Variants in LPCAT2 observed in about 807,000 individuals in gnomAD.
LPCAT2 encodes lysophosphatidylcholine acyltransferase 2, also known as 1-AGP acyltransferase 11.
A neutral mutation model predicts 64.7 loss-of-function variants in LPCAT2; 58 were observed. The observed-to-expected ratio is 0.90, with a 90% CI of 0.73 to 1.12. The LOEUF is 1.12. Among genes scored for constraint, LPCAT2 ranks in the 50% most tolerant of loss-of-function variants. LPCAT2 has a pLI of 0.00. For synonymous variants in LPCAT2, 252 were observed against 245.3 expected (o/e 1.03, Z -0.26); for missense variants, 579 against 669.8 (o/e 0.86, Z 1.50).
rs1388784884 is a variant in LPCAT2, at chr16:55,583,277, C to T, written c.*179C>T. On this transcript the variant is annotated 3_prime_UTR_variant, in exon 14 of 14. Transcript: ENST00000262134. ...TAACCTTGCTTTTATTGGAAAAAAT[C>T]AAGCAATATTTCGTTTTCTTTTGTG... 1.8e-6 allele frequency: 1 copy of T among 564,084 alleles called. No homozygotes were observed. The highest frequency in any genetic ancestry group is 2.8e-5 in the South Asian group (1 of 35,914). The allele number at this position is 564,084 out of a possible 1,614,324, so 34.9% of individuals were successfully genotyped here. A position where few individuals can be genotyped will look rare whatever the true frequency, so the allele number is the denominator to read the frequency against.
At position 55,576,296 on chromosome 16, in the gene LPCAT2, A is replaced by G. The variant is rs78942988; in HGVS notation, c.1314+1567A>G. ...AAGTATTTTTGCATACTTTTTATTT[A>G]GTAGTATCCTTTTACATATAGGATT... On this transcript the variant is annotated intron_variant, in intron 12 of 13. Transcript: ENST00000262134. Among the ~76,000 whole-genome samples the G allele has an allele frequency of 1.3e-3, 204 of 151,124 alleles. 1 individual carries two copies. Among genetic ancestry groups the G allele is most frequent in the African/African-American group, 4.9e-3 (201 of 41,094 alleles).
intron 11 of LPCAT2, among the ~76,000 whole-genome samples, chr16:55,573,345 C>T (rs149904774): frequency 4.0e-5 from 6 of 151,710 alleles, no homozygotes; most frequent in Admixed American, 2.6e-4. Context: ...TTCTATGAAC[C>T]TAGAGTAGTA....
In LPCAT2 at chr16:55,549,267, A is replaced by G. The variant is rs758231316; in HGVS notation, c.936-10A>G. The G allele has an allele frequency of 1.3e-5, 20 of 1,536,414 alleles. No individual in the cohort carries two copies. Among genetic ancestry groups the G allele is most frequent in the Non-Finnish European group, 1.7e-5 (19 of 1,150,544 alleles). On this transcript the variant is annotated splice_polypyrimidine_tract_variant and intron_variant, in intron 9 of 13. Coordinates refer to ENST00000262134, the MANE Select transcript of LPCAT2 (RefSeq NM_017839.5). Reference sequence around the variant, plus strand: ...AAAATGAATTTTAGTTTGCTTCTTAATACTTTTAGAGCTCTGGGAATACCA... The same window carrying G: ...AAAATGAATTTTAGTTTGCTTCTTAGTACTTTTAGAGCTCTGGGAATACCA...
chr16:55,514,870 A>T (rs1423584515), intron 1 of LPCAT2, among the ~76,000 whole-genome samples: 1 of 150,606 alleles, frequency 6.6e-6, no homozygotes, highest in Non-Finnish European at 1.5e-5. Flanking sequence ...AATGGAGAAT[A>T]TCAATAAAGA....
chr16:55,558,124 T>C lies in LPCAT2; in HGVS notation c.1215+7022T>C, dbSNP rs572834889. Among the ~76,000 whole-genome samples, 22 of 152,366 alleles carry C rather than the reference T, an allele frequency of 1.4e-4. No homozygotes were observed. The South Asian group carries it at 3.9e-3, about 27-fold the overall frequency. On this transcript the variant is annotated intron_variant, in intron 11 of 13. Transcript: ENST00000262134. ...ATTGGGGATTAGTTAAATGTCCAGATGAGTGAGAGCTAAGAGCTTAAACAA... is the reference window on the plus strand; with the variant it reads ...ATTGGGGATTAGTTAAATGTCCAGACGAGTGAGAGCTAAGAGCTTAAACAA...
Position 55,509,161 on chromosome 16 carries a change from G to C in LPCAT2, c.-21G>C, listed in dbSNP as rs17302903. 572,999 of 1,315,748 alleles carry C rather than the reference G, an allele frequency of 0.44. 130,753 individuals are homozygous for C. The highest frequency in any genetic ancestry group is 0.47 in the Non-Finnish European group (482,468 of 1,027,616). The allele number at this position is 1,315,748 out of a possible 1,614,324, so 81.5% of individuals were successfully genotyped here. A position where few individuals can be genotyped will look rare whatever the true frequency, so the allele number is the denominator to read the frequency against. ...GCGCCCGCGTAGATCGCTTCGGCCG[G>C]GTTCTACGCCCGGCTCAACTATGAG... On this transcript the variant is annotated 5_prime_UTR_variant, in exon 1 of 14. Coordinates refer to ENST00000262134, the MANE Select transcript of LPCAT2 (RefSeq NM_017839.5).
In LPCAT2 at chr16:55,524,865, A is replaced by T. The variant is rs139923986; in HGVS notation, c.172-643A>T. On this transcript the variant is annotated intron_variant, in intron 1 of 13. Coordinates refer to ENST00000262134, the MANE Select transcript of LPCAT2 (RefSeq NM_017839.5). ...ACTCCTTTCTGGTATGTAAAACTTG[A>T]AACTTAAGGTTGTAAGAACTAAATA... 4.9e-3 allele frequency among the ~76,000 whole-genome samples: 750 copies of T among 152,182 alleles called. 5 individuals carry two copies. Among genetic ancestry groups the T allele is most frequent in the Non-Finnish European group, 7.0e-3 (478 of 67,924 alleles).
chr16:55,584,058 T>A lies in LPCAT2; in HGVS notation c.*960T>A, dbSNP rs1453942467. On this transcript the variant is annotated 3_prime_UTR_variant, in exon 14 of 14. Transcript: ENST00000262134. ...GAACTACAGGTTTAGAACTTGGTTT[T>A]AAGACAACTGCTATGGCCAGAAGGT... 6.6e-6 allele frequency: 1 copy of A among 152,176 alleles called. No homozygotes were observed. Among genetic ancestry groups the A allele is most frequent in the Non-Finnish European group, 1.5e-5 (1 of 68,028 alleles). 9.4% of individuals were successfully genotyped at this position (152,176 alleles called of 1,614,324 possible).
Position 55,583,124 on chromosome 16 carries a change from AC to A in LPCAT2, c.*27del. On this transcript the variant is annotated 3_prime_UTR_variant, in exon 14 of 14. Coordinates refer to ENST00000262134, the MANE Select transcript of LPCAT2 (RefSeq NM_017839.5). ...AAGCAGTATTTCCAATAAGGAAAAC[AC>A]AGTAGCTTTTGCTTGAAATTGTAAA... 6.4e-7 allele frequency: 1 copy of A among 1,551,836 alleles called. No homozygotes were observed. The highest frequency in any genetic ancestry group is 1.4e-5 in the African/African-American group (1 of 73,648).
intron 1 of LPCAT2, among the ~76,000 whole-genome samples, chr16:55,512,288 A>G (rs949343399): frequency 2.6e-5 from 4 of 152,230 alleles, no homozygotes; most frequent in African/African-American, 9.6e-5. Context: ...GAGTAGCTCA[A>G]TGTAGACAAT....
intron 5 of LPCAT2, 164 bp from the exon 6 acceptor site, chr16:55,532,660 C>T: frequency 2.6e-6 from 1 of 386,726 alleles, no homozygotes. Flanking sequence ...AAAAAAAATC[C>T]CTCATTTTGG....
intron 7 of LPCAT2, among the ~76,000 whole-genome samples, chr16:55,535,495 T>C (rs546218573): frequency 5.9e-5 from 9 of 152,308 alleles, no homozygotes; most frequent in African/African-American, 1.7e-4. Context: ...TCCTTGATAA[T>C]TGAAGATACA....
intron 5 of LPCAT2, 75 bp downstream of exon 5, chr16:55,532,049 A>G (rs2142382613): frequency 1.0e-6 from 1 of 952,708 alleles, no homozygotes; most frequent in South Asian, 1.3e-5. Context: ...GAAATACACA[A>G]AATAACTCTT....
At chr16:55,566,739 G>T (rs369944110) in intron 11 of LPCAT2, 4 of 1,589,074 alleles carry the variant, frequency 2.5e-6, no homozygotes, top group Admixed American at 1.8e-5. Flanking sequence ...TGCCGCATTT[G>T]CTTGTTAAAC....
intron 13 of LPCAT2, among the ~76,000 whole-genome samples, chr16:55,582,601 T>C (rs1963899278): frequency 6.6e-6 from 1 of 152,192 alleles, no homozygotes; most frequent in Non-Finnish European, 1.5e-5. Context: ...TTTTATTTTT[T>C]ATCTATTATA....
At position 55,566,830 on chromosome 16, in the gene LPCAT2, G is replaced by A. The variant is rs1309556711; in HGVS notation, c.1216-7801G>A. ...GAAGCTCTTGGAGGCCTCTTTGGAG[G>A]AGGTGGTCAGAGAAGAGAAGGAGGA... On this transcript the variant is annotated intron_variant, in intron 11 of 13. Transcript: ENST00000262134. The A allele has an allele frequency of 3.7e-6, 6 of 1,613,854 alleles. 1 individual carries two copies. In the South Asian group the frequency reaches 6.6e-5, roughly 18 times the overall value.
At chr16:55,571,587 C>A (rs1261242189) in intron 11 of LPCAT2, among the ~76,000 whole-genome samples, 1 of 152,086 alleles carries the variant, frequency 6.6e-6, no homozygotes, top group Non-Finnish European at 1.5e-5. Flanking sequence ...AAGAGCTGGT[C>A]TCCTTTGAAA....
In LPCAT2 at chr16:55,549,326, A is replaced by T; in HGVS notation, c.985A>T (p.Met329Leu). 6.2e-7 allele frequency: 1 copy of T among 1,605,074 alleles called. No homozygotes were observed. Reference protein sequence around the residue: ...TDHTYEDCRLMISAGQLTLPM... With the variant: ...TDHTYEDCRLLISAGQLTLPM... ...TCATACCTATGAAGACTGCAGATTG[A>T]TGATTTCAGCAGGACAGCTAACATT... The change falls in exon 10 of 14, where the codon ATG (methionine) becomes TTG (leucine). Residue 329 changes from methionine (M) to leucine (L), a missense_variant. Coordinates refer to ENST00000262134, the MANE Select transcript of LPCAT2 (RefSeq NM_017839.5).
At chr16:55,536,566 A>G (rs1963326718) in intron 7 of LPCAT2, among the ~76,000 whole-genome samples, 1 of 152,238 alleles carries the variant, frequency 6.6e-6, no homozygotes, top group Non-Finnish European at 1.5e-5. Flanking sequence ...TGATATATCT[A>G]CTTTCTAAAT....
Sources: gnomAD v4.1 joint callset for allele counts (sites outside exome capture counted in the v4.1 genomes callset) on GRCh38, gnomAD v4.1.1 for gene constraint, MANE v1.5 for transcripts, NCBI Gene and HGNC (gene_info 2026-07-23, HGNC 2026-07-21) for gene names.